Variants in AFF1 observed in about 807,000 individuals in gnomAD.
AFF1 encodes AF4/FMR2 family member 1.
In AFF1, 48 loss-of-function variants were observed where a neutral mutation model predicts 121.7. The ratio of observed to expected loss-of-function variants is 0.39; its 90% confidence interval spans 0.31 to 0.50. AFF1 has a LOEUF of 0.50. Among genes scored for constraint, AFF1 ranks in the 20% least tolerant of loss-of-function variants. The probability of loss-of-function intolerance (pLI) is 0.76; values close to 1 mark genes in which losing one functional copy is unlikely to be tolerated. For synonymous variants in AFF1, 613 were observed against 563.0 expected (o/e 1.09, Z -1.26); for missense variants, 1,523 against 1,511.7 (o/e 1.01, Z -0.12).
intron 4 of AFF1, among the ~76,000 whole-genome samples, chr4:87,054,718 A>T (rs906405501): frequency 1.3e-5 from 2 of 152,184 alleles, no homozygotes; most frequent in East Asian, 3.8e-4. Context: ...ATGAAGAATA[A>T]GTCACCTGCA....
chr4:86,948,481 CTT>C lies in AFF1; in HGVS notation c.-36-15_-36-14del, dbSNP rs552592243. On this transcript the variant is annotated splice_polypyrimidine_tract_variant and intron_variant, in intron 1 of 20. Transcript: ENST00000395146. Reference sequence around the variant, plus strand: ...CACAGGCTAATGTTCACAGGCTACTCTTTGTTTCTCTTTCAGATGAACAGACT... The same window carrying C: ...CACAGGCTAATGTTCACAGGCTACTCTGTTTCTCTTTCAGATGAACAGACT... The C allele has an allele frequency of 1.3e-5, 20 of 1,512,270 alleles. No individual in the cohort carries two copies. The highest frequency in any genetic ancestry group is 1.6e-5 in the Non-Finnish European group (18 of 1,125,166). 93.7% of individuals were successfully genotyped at this position (1,512,270 alleles called of 1,614,324 possible).
At chr4:87,105,317 A>G (rs1190858319) in intron 8 of AFF1, among the ~76,000 whole-genome samples, 1 of 152,230 alleles carries the variant, frequency 6.6e-6, no homozygotes. Context: ...CAGGGCTCGC[A>G]ACGAATCCTT....
At chr4:87,056,679 C>CAA (rs2149639928) in intron 4 of AFF1, among the ~76,000 whole-genome samples, 1 of 152,228 alleles carries the variant, frequency 6.6e-6, no homozygotes, top group Non-Finnish European at 1.5e-5. Flanking sequence ...AATATTTGAA[C>CAA]ACCCATTAGA....
Position 86,935,032 on chromosome 4 carries a change from C to G in AFF1, c.-245C>G, listed in dbSNP as rs1260486083. On this transcript the variant is annotated 5_prime_UTR_variant, in exon 1 of 21. Transcript: ENST00000395146. ...TGCCAGCCAGCTAGCGAGCGACGGG[C>G]GCGCGCGGCCCCTGCGCACTCGGCC... The G allele has an allele frequency of 2.6e-5, 4 of 151,858 alleles. No homozygotes were observed. The highest frequency in any genetic ancestry group is 9.7e-5 in the African/African-American group (4 of 41,406). 9.4% of individuals were successfully genotyped at this position (151,858 alleles called of 1,614,324 possible). A position where few individuals can be genotyped will look rare whatever the true frequency, so the allele number is the denominator to read the frequency against.
At position 87,094,984 on chromosome 4, in the gene AFF1, T is replaced by C; in HGVS notation, c.1283+15T>C. 6.2e-7 allele frequency: 1 copy of C among 1,609,114 alleles called. No homozygotes were observed. The highest frequency in any genetic ancestry group is 8.5e-7 in the Non-Finnish European group (1 of 1,175,498). ...GGAACGTCATCGTAAGTGAAATGCT[T>C]TTTGTGTATTAAAATTTTGTAGTAT... On this transcript the variant is annotated intron_variant, in intron 8 of 20. Coordinates refer to ENST00000395146, the MANE Select transcript of AFF1 (RefSeq NM_001166693.3).
chr4:86,950,323 C>T (rs907743020), intron 2 of AFF1, among the ~76,000 whole-genome samples: 11 of 152,190 alleles, frequency 7.2e-5, no homozygotes, highest in East Asian at 1.9e-4. Context: ...GGACTACAGG[C>T]GCATGCCCCG....
At chr4:87,069,979 CCTGA>C (rs903669868) in intron 4 of AFF1, among the ~76,000 whole-genome samples, 2 of 151,860 alleles carry the variant, frequency 1.3e-5, no homozygotes, top group Non-Finnish European at 2.9e-5. Context: ...TGCCACAACG[CCTGA>C]CTAATTTTTT....
At chr4:87,029,415 G>A (rs796906851) in intron 2 of AFF1, among the ~76,000 whole-genome samples, 9 of 152,322 alleles carry the variant, frequency 5.9e-5, no homozygotes, top group African/African-American at 1.9e-4. Flanking sequence ...CCTGACAGAT[G>A]TCTTTTTATG....
Position 87,127,167 on chromosome 4 carries a change from C to T in AFF1, c.2903+50C>T, listed in dbSNP as rs1321497220. ...TGCTCTGTTTTGTTTTGTTTTGCTTCCCCCCCCCACCAAGATAGAGTCTCA... is the reference window on the plus strand; with the variant it reads ...TGCTCTGTTTTGTTTTGTTTTGCTTTCCCCCCCCACCAAGATAGAGTCTCA... On this transcript the variant is annotated intron_variant, in intron 15 of 20. Coordinates refer to ENST00000395146, the MANE Select transcript of AFF1 (RefSeq NM_001166693.3). 14 of 998,140 alleles carry T rather than the reference C, an allele frequency of 1.4e-5. 1 individual carries two copies. In the African/African-American group the frequency reaches 1.6e-4, roughly 12 times the overall value. The allele number at this position is 998,140 out of a possible 1,614,324, so 61.8% of individuals were successfully genotyped here.
At chr4:87,083,527 C>A (rs1256548644) in intron 4 of AFF1, among the ~76,000 whole-genome samples, 1 of 152,312 alleles carries the variant, frequency 6.6e-6, no homozygotes, top group Non-Finnish European at 1.5e-5. Context: ...TGATCATCAT[C>A]TTTGTCTTCA....
intron 8 of AFF1, among the ~76,000 whole-genome samples, chr4:87,104,895 A>G (rs925924899): frequency 9.2e-5 from 14 of 152,160 alleles, no homozygotes; most frequent in African/African-American, 3.4e-4. Flanking sequence ...AACAATAGCA[A>G]TAAGGTTAAA....
At chr4:86,984,082 G>C (rs1724011583) in intron 2 of AFF1, among the ~76,000 whole-genome samples, 1 of 152,146 alleles carries the variant, frequency 6.6e-6, no homozygotes, top group South Asian at 2.1e-4. Context: ...AATGTATCTA[G>C]TGTTTTAAAT....
At chr4:87,119,259 C>G (rs999798563) in intron 12 of AFF1, among the ~76,000 whole-genome samples, 3 of 152,052 alleles carry the variant, frequency 2.0e-5, no homozygotes, top group Non-Finnish European at 2.9e-5. Context: ...AATACACAAC[C>G]AGGCCAGTGC....
In AFF1 at chr4:87,016,988, A is replaced by T. The variant is rs149300909; in HGVS notation, c.39-29178A>T. On this transcript the variant is annotated intron_variant, in intron 2 of 20. Coordinates refer to ENST00000395146, the MANE Select transcript of AFF1 (RefSeq NM_001166693.3). ...GAATAGTATTCTGTTAATAGATGTG[A>T]TGGACAGGTTGTCCCAATTTTTTAA... is the stretch of plus-strand genomic sequence containing the variant. Among the ~76,000 whole-genome samples the T allele has an allele frequency of 9.9e-4, 150 of 152,084 alleles. 1 individual carries two copies. The highest frequency in any genetic ancestry group is 6.8e-3 in the Middle Eastern group (2 of 294).
rs1322665334 is a variant in AFF1 at position 87,125,975 on chromosome 4, T to G, written c.2574-124T>G. On this transcript the variant is annotated intron_variant, in intron 13 of 20. Transcript: ENST00000395146. ...AAAAAGTCCCTGAAATTTGGCCTGT[T>G]TACACAGTTTCATGCTTTGTGATAC... is the stretch of plus-strand genomic sequence containing the variant. 3.0e-6 allele frequency: 3 copies of G among 993,228 alleles called. No homozygotes were observed. The African/African-American group carries it at 4.9e-5, about 16-fold the overall frequency. The allele number at this position is 993,228 out of a possible 1,614,324, so 61.5% of individuals were successfully genotyped here.
chr4:86,995,268 TTCCCCC>T (rs1358203903), intron 2 of AFF1, among the ~76,000 whole-genome samples: 1 of 93,512 alleles, frequency 1.1e-5, no homozygotes, highest in South Asian at 4.6e-4. Flanking sequence ...ATCTACCCCC[TTCCCCC>T]TCCCCCTCTC....
chr4:87,130,511 A>C (rs1728727990), intron 16 of AFF1, among the ~76,000 whole-genome samples: 1 of 152,220 alleles, frequency 6.6e-6, no homozygotes, highest in Non-Finnish European at 1.5e-5. Context: ...ATATTTCTAC[A>C]TTCCCTTTAA....
chr4:86,944,999 TTAGA>T lies in AFF1; in HGVS notation c.-36-3495_-36-3492del, dbSNP rs1211070909. ...AGAGGGAGGACTATAGAAAGGTCAC[TTAGA>T]TAGTAATGTACATTCCTGCCATGGA... is the stretch of plus-strand genomic sequence containing the variant. On this transcript the variant is annotated intron_variant, in intron 1 of 20. Coordinates refer to ENST00000395146, the MANE Select transcript of AFF1 (RefSeq NM_001166693.3). Among the ~76,000 whole-genome samples the T allele has an allele frequency of 4.6e-5, 7 of 152,350 alleles. No individual in the cohort carries two copies. The South Asian group carries it at 1.0e-3, about 23-fold the overall frequency.
At chr4:87,113,417 C>T (rs913445037) in intron 11 of AFF1, among the ~76,000 whole-genome samples, 6 of 152,066 alleles carry the variant, frequency 3.9e-5, no homozygotes, top group African/African-American at 1.2e-4. Context: ...ACCACAGGCA[C>T]GTGCCACCTC....
Sources: gnomAD v4.1 joint callset for allele counts (sites outside exome capture counted in the v4.1 genomes callset) on GRCh38, gnomAD v4.1.1 for gene constraint, MANE v1.5 for transcripts, NCBI Gene and HGNC (gene_info 2026-07-23, HGNC 2026-07-21) for gene names.